AIFM1: variants seen among roughly 807,000 people sequenced by gnomAD.
The protein encoded by AIFM1 is apoptosis inducing factor mitochondria associated 1.
In AIFM1, 3 loss-of-function variants were observed where a neutral mutation model predicts 51.7. The observed-to-expected ratio is 0.06, with a 90% CI of 0.03 to 0.15. The LOEUF (loss-of-function observed/expected upper bound fraction) is 0.15. Among genes scored for constraint, AIFM1 ranks in the 10% least tolerant of loss-of-function variants. The pLI, the probability that AIFM1 is intolerant of heterozygous loss-of-function variation, is 1.00. For synonymous variants in AIFM1, 178 were observed against 179.4 expected (o/e 0.99, Z 0.06); for missense variants, 330 against 476.8 (o/e 0.69, Z 2.87).
Position 130,131,716 on chromosome X carries a change from G to C in AIFM1, c.1532C>G (p.Ala511Gly). ...AGATTTGGGGTTGTCTTGTGCAGTT[G>C]CTTTTGCAAAAACACCAACTGTGGG... Reference protein sequence around the residue: ...SLPTVGVFAKATAQDNPKSAT... With the variant: ...SLPTVGVFAKGTAQDNPKSAT... Residue 511 changes from alanine to glycine, a missense_variant, in exon 14 of 16, where the codon GCA becomes GGA. Ala to Gly is a moderately conservative substitution (Grantham distance 60, BLOSUM62 0). Coordinates refer to ENST00000287295, the MANE Select transcript of AIFM1 (RefSeq NM_004208.4). The C allele has an allele frequency of 8.3e-7, 1 of 1,211,807 alleles. No individual in the cohort carries two copies. The highest frequency in any genetic ancestry group is 1.1e-6 in the Non-Finnish European group (1 of 895,497).
chrX:130,140,600 C>T lies in AIFM1; in HGVS notation c.714G>A (p.Val238=). 8.3e-7 allele frequency: 1 copy of T among 1,208,037 alleles called. No individual in the cohort carries two copies. Reference sequence around the variant, plus strand: ...CATTAAGTTTCACCATGTTGTCTCTCACATCCAGCTGTACTACCTGGTACA... The same window carrying T: ...CATTAAGTTTCACCATGTTGTCTCTTACATCCAGCTGTACTACCTGGTACA... ...LTGKKVVQLD[V]RDNMVKLNDG... The change falls in exon 7 of 16, where the codon GTG becomes GTA. Residue 238 remains valine, a synonymous_variant. Coordinates refer to ENST00000287295, the MANE Select transcript of AIFM1 (RefSeq NM_004208.4).
chrX:130,146,832 T>C (rs145944000), intron 5 of AIFM1, among the ~76,000 whole-genome samples: 1 of 112,100 alleles, frequency 8.9e-6, no homozygotes, highest in Non-Finnish European at 1.9e-5. Flanking sequence ...AAAAGTTTCT[T>C]TTCTTCTGCT....
rs1214655483 is a variant in AIFM1 at position 130,129,512 on chromosome X, T to G, written c.*45A>C. The stretch of plus-strand genomic sequence containing the variant: ...AAAATGCTCCTTTACCCATTCGACC[T>G]CCTCTCAGGGGCTGCAGTGGGTTTG... On this transcript the variant is annotated 3_prime_UTR_variant, in exon 16 of 16. Coordinates refer to ENST00000287295, the MANE Select transcript of AIFM1 (RefSeq NM_004208.4). The G allele has an allele frequency of 2.7e-6, 3 of 1,127,622 alleles. No homozygotes were observed. In the African/African-American group the frequency reaches 5.4e-5, roughly 20 times the overall value. 92.9% of individuals were successfully genotyped at this position (1,127,622 alleles called of 1,213,427 possible).
In AIFM1 at chrX:130,129,875, G is replaced by A. The variant is rs768522610; in HGVS notation, c.1770+95C>T. On this transcript the variant is annotated intron_variant, in intron 15 of 15. Coordinates refer to ENST00000287295, the MANE Select transcript of AIFM1 (RefSeq NM_004208.4). ...TGCTCAGGCACAATTTGACCTGGCCGGGGGACAATGCATCTCAGGGCACCC... is the reference window on the plus strand; with the variant it reads ...TGCTCAGGCACAATTTGACCTGGCCAGGGGACAATGCATCTCAGGGCACCC... 7.3e-5 allele frequency: 76 copies of A among 1,047,127 alleles called. No individual in the cohort carries two copies. In the African/African-American group the frequency reaches 8.0e-4, roughly 11 times the overall value. The allele number at this position is 1,047,127 out of a possible 1,213,427, so 86.3% of individuals were successfully genotyped here. A position where few individuals can be genotyped will look rare whatever the true frequency, so the allele number is the denominator to read the frequency against.
chrX:130,144,390 A>G (rs2030681288), intron 6 of AIFM1, among the ~76,000 whole-genome samples: 1 of 111,725 alleles, frequency 9.0e-6, no homozygotes, highest in Non-Finnish European at 1.9e-5. Flanking sequence ...GCCCTCCACA[A>G]TCAGGCCCCT....
intron 8 of AIFM1, among the ~76,000 whole-genome samples, chrX:130,139,193 G>T (rs1008431119): frequency 9.0e-6 from 1 of 110,894 alleles, no homozygotes; most frequent in Non-Finnish European, 1.9e-5. Flanking sequence ...TTAGCCGGTC[G>T]TGGTGGCACA....
Position 130,145,469 on chromosome X carries a change from A to G in AIFM1, c.696+10T>C. 1 of 1,194,586 alleles carries G rather than the reference A, an allele frequency of 8.4e-7. No individual in the cohort carries two copies. Among genetic ancestry groups the G allele is most frequent in the Non-Finnish European group, 1.1e-6 (1 of 879,910 alleles). On this transcript the variant is annotated intron_variant, in intron 6 of 15. Transcript: ENST00000287295. ...TAGAGCCTGACAAAAGAAGCGGTCT[A>G]CTAGCTCACCTTCTTCCCAGTGAGG...
intron 1 of AIFM1, among the ~76,000 whole-genome samples, chrX:130,161,340 G>C (rs567564828): frequency 9.2e-6 from 1 of 109,015 alleles, no homozygotes; most frequent in East Asian, 2.9e-4. Flanking sequence ...GTGAAACCCC[G>C]TCTCCACTAA....
intron 1 of AIFM1, among the ~76,000 whole-genome samples, chrX:130,163,086 G>A (rs1449220158): frequency 9.0e-6 from 1 of 110,903 alleles, no homozygotes; most frequent in Non-Finnish European, 1.9e-5. Flanking sequence ...TGAAGCAGGT[G>A]GATCACAAGG....
chrX:130,148,833 C>CAAAA (rs56353862), intron 3 of AIFM1, among the ~76,000 whole-genome samples: 2 of 21,526 alleles, frequency 9.3e-5, no homozygotes, highest in Non-Finnish European at 1.5e-4. Flanking sequence ...AACTCCATCT[C>CAAAA]AAAAAAAAAA....
intron 3 of AIFM1, among the ~76,000 whole-genome samples, chrX:130,149,026 A>T (rs1329531733): frequency 9.8e-6 from 1 of 102,255 alleles, no homozygotes; most frequent in Non-Finnish European, 2.0e-5. Context: ...AGTTCAAGAG[A>T]TTCTCATGCC....
intron 12 of AIFM1, among the ~76,000 whole-genome samples, chrX:130,135,082 C>CT (rs758547960): frequency 3.4e-3 from 343 of 100,639 alleles, no homozygotes; most frequent in East Asian, 5.8e-3. Context: ...CCACATATTA[C>CT]TTTTTTTTTT....
chrX:130,131,467 G>C (rs998622245), intron 14 of AIFM1, among the ~76,000 whole-genome samples: 3 of 112,316 alleles, frequency 2.7e-5, no homozygotes, highest in Non-Finnish European at 5.6e-5. Flanking sequence ...CACAATATTT[G>C]AATCTATGCT....
At chrX:130,145,625 C>T (rs1448181170) in intron 5 of AIFM1, 56 bp from the exon 6 acceptor site, 20 of 940,801 alleles carry the variant, frequency 2.1e-5, no homozygotes, top group Non-Finnish European at 2.9e-5. Context: ...TATCAGCTTC[C>T]CCCGTAGCTT....
At chrX:130,143,099 G>A (rs1349969378) in intron 6 of AIFM1, among the ~76,000 whole-genome samples, 1 of 111,527 alleles carries the variant, frequency 9.0e-6, no homozygotes, top group Non-Finnish European at 1.9e-5. Context: ...TCTTAAGCCT[G>A]CTTCCTAAAA....
At chrX:130,139,095 G>A (rs1187240081) in intron 8 of AIFM1, among the ~76,000 whole-genome samples, 1 of 110,448 alleles carries the variant, frequency 9.1e-6, no homozygotes, top group Non-Finnish European at 1.9e-5. Flanking sequence ...AGGCTGACAA[G>A]CCTTGTTCTA....
intron 3 of AIFM1, 67 bp from the exon 4 acceptor site, chrX:130,147,943 A>G: frequency 8.4e-7 from 1 of 1,186,624 alleles, no homozygotes; most frequent in Non-Finnish European, 1.1e-6. Context: ...CCACTGTTAA[A>G]AAAAAATCAC....
rs2031513701 is a variant in AIFM1, at chrX:130,165,773, A to ACTC, written c.-120_-118dup. Reference sequence around the variant, plus strand: ...GTCTCTTCACACGCACATTACGCAGACTCCTCCTCCCAGCTCCGGGTGGGC... The same window carrying ACTC: ...GTCTCTTCACACGCACATTACGCAGACTCCTCCTCCTCCCAGCTCCGGGTGGGC... On this transcript the variant is annotated 5_prime_UTR_variant, in exon 1 of 16. Transcript: ENST00000287295. 3.2e-6 allele frequency: 2 copies of ACTC among 621,750 alleles called. No homozygotes were observed. Among genetic ancestry groups the ACTC allele is most frequent in the Non-Finnish European group, 2.7e-6 (1 of 377,096 alleles). 51.2% of individuals were successfully genotyped at this position (621,750 alleles called of 1,213,427 possible).
At chrX:130,151,465 C>G (rs1369151338) in intron 2 of AIFM1, among the ~76,000 whole-genome samples, 4 of 111,456 alleles carry the variant, frequency 3.6e-5, no homozygotes, top group Non-Finnish European at 5.6e-5. Context: ...AAGAATACTT[C>G]TATGACTTCC....
Sources: allele counts gnomAD v4.1 joint callset (sites outside exome capture counted in the v4.1 genomes callset), GRCh38; gene constraint gnomAD v4.1.1; transcripts MANE v1.5; gene names NCBI Gene and HGNC (gene_info 2026-07-23, HGNC 2026-07-21).